Variants in KMT2C observed in about 807,000 individuals in gnomAD.
The protein encoded by KMT2C is lysine methyltransferase 2C, also known as histone-lysine N-methyltransferase 2C.
In KMT2C, 88 loss-of-function variants were observed where a neutral mutation model predicts 507.9. That is an observed-to-expected ratio of 0.17 (90% CI 0.15 to 0.21). The LOEUF (loss-of-function observed/expected upper bound fraction) is 0.21, where lower values mean the gene tolerates loss of function less well. Ranked by LOEUF, KMT2C falls within the 10% of genes least tolerant of loss-of-function variation. KMT2C has a pLI of 1.00. For missense variants in KMT2C, 4,954 were observed against 5,957.8 expected (o/e 0.83, Z 5.55); for synonymous variants, 2,049 against 2,080.8 (o/e 0.98, Z 0.42).
chr7:152,359,453 T>C (rs1180023274), intron 1 of KMT2C, among the ~76,000 whole-genome samples: 1 of 152,132 alleles, frequency 6.6e-6, no homozygotes, highest in Non-Finnish European at 1.5e-5. Flanking sequence ...TGTTTTAAAT[T>C]ATTTCGCAGT....
chr7:152,430,658 A>G (rs2097856298), intron 1 of KMT2C, among the ~76,000 whole-genome samples: 1 of 152,216 alleles, frequency 6.6e-6, no homozygotes, highest in South Asian at 2.1e-4. Flanking sequence ...CAGTCTCCAG[A>G]GTAGTTGGGA....
intron 1 of KMT2C, chr7:152,367,754 T>G: frequency 9.3e-7 from 1 of 1,071,224 alleles, no homozygotes; most frequent in East Asian, 2.4e-5. Context: ...ATTACATTGA[T>G]AGTAAATCTG....
At chr7:152,150,361 G>A (rs1223672904) in intron 51 of KMT2C, among the ~76,000 whole-genome samples, 1 of 152,176 alleles carries the variant, frequency 6.6e-6, no homozygotes, top group Non-Finnish European at 1.5e-5. Flanking sequence ...GCTCACACCT[G>A]TAATCCCAGC....
intron 2 of KMT2C, among the ~76,000 whole-genome samples, chr7:152,333,492 G>C (rs1216779929): frequency 2.6e-5 from 4 of 152,112 alleles, no homozygotes; most frequent in African/African-American, 9.7e-5. Context: ...TTTATGATTT[G>C]TAAGTCAACA....
chr7:152,354,365 C>T (rs1356375527), intron 2 of KMT2C, among the ~76,000 whole-genome samples: 1 of 152,190 alleles, frequency 6.6e-6, no homozygotes, highest in African/African-American at 2.4e-5. Context: ...AATACTGCTT[C>T]ACTTAGTGAA....
intron 1 of KMT2C, among the ~76,000 whole-genome samples, chr7:152,388,819 G>C (rs1191954692): frequency 6.6e-6 from 1 of 152,220 alleles, no homozygotes; most frequent in Non-Finnish European, 1.5e-5. Flanking sequence ...CGTGATCTTG[G>C]GTTACTGCAA....
chr7:152,285,899 C>T (rs1334313170), intron 6 of KMT2C, among the ~76,000 whole-genome samples: 3 of 152,164 alleles, frequency 2.0e-5, no homozygotes, highest in African/African-American at 4.8e-5. Context: ...GCACAAGAAT[C>T]GCTTGAACCT....
chr7:152,264,536 T>G (rs2095831538), intron 8 of KMT2C, among the ~76,000 whole-genome samples: 1 of 152,198 alleles, frequency 6.6e-6, no homozygotes, highest in Non-Finnish European at 1.5e-5. Context: ...AGATGTACAT[T>G]AAAATAATAG....
intron 5 of KMT2C, among the ~76,000 whole-genome samples, chr7:152,310,816 C>T (rs1433551586): frequency 1.3e-5 from 2 of 152,050 alleles, no homozygotes; most frequent in Admixed American, 1.3e-4. Flanking sequence ...TGCCAAATAG[C>T]TGGGACTACA....
intron 1 of KMT2C, among the ~76,000 whole-genome samples, chr7:152,432,956 G>A (rs1463653625): frequency 2.0e-5 from 3 of 152,064 alleles, no homozygotes; most frequent in Admixed American, 2.0e-4. Flanking sequence ...AGACCAGCCT[G>A]GCCAACATGG....
At chr7:152,425,850 G>A (rs2097811500) in intron 1 of KMT2C, among the ~76,000 whole-genome samples, 1 of 151,874 alleles carries the variant, frequency 6.6e-6, no homozygotes, top group Non-Finnish European at 1.5e-5. Flanking sequence ...TTACAATAAG[G>A]TGTAAAGATT....
At chr7:152,193,886 TC>T (rs1588104585) in intron 31 of KMT2C, 122 bp downstream of exon 31, 1 of 761,180 alleles carries the variant, frequency 1.3e-6, no homozygotes, top group East Asian at 3.0e-5. Context: ...AGGGTTTTTC[TC>T]CCTATCAGTT....
At chr7:152,323,799 G>A (rs1368506336) in intron 3 of KMT2C, among the ~76,000 whole-genome samples, 2 of 138,946 alleles carry the variant, frequency 1.4e-5, no homozygotes, top group African/African-American at 5.3e-5. Flanking sequence ...AGGGAAGGGA[G>A]GCAGGGAGGG....
At chr7:152,271,252 T>C (rs1262868789) in intron 7 of KMT2C, among the ~76,000 whole-genome samples, 1 of 152,154 alleles carries the variant, frequency 6.6e-6, no homozygotes, top group African/African-American at 2.4e-5. Context: ...TTATAAAACA[T>C]GTTAAAAAGG....
In KMT2C at chr7:152,210,415, T is replaced by C. The variant is rs575454950; in HGVS notation, c.3713-2987A>G. Among the ~76,000 whole-genome samples the C allele has an allele frequency of 4.6e-5, 7 of 152,328 alleles. No homozygotes were observed. The South Asian group carries it at 1.0e-3, about 23-fold the overall frequency. On this transcript the variant is annotated intron_variant, in intron 23 of 58. Transcript: ENST00000262189. The stretch of plus-strand genomic sequence containing the variant: ...TTAGTTCTTCACTTTTAATCATGCA[T>C]GTACCATAAAGATTATCCGACTATG...
chr7:152,183,148 G>T lies in KMT2C; in HGVS notation c.5091C>A (p.Ala1697=), dbSNP rs2129121629. 6.5e-7 allele frequency: 1 copy of T among 1,544,712 alleles called. No homozygotes were observed. Residue 1697 remains alanine, a synonymous_variant, in exon 35 of 59, where the codon GCC becomes GCA. Coordinates refer to ENST00000262189, the MANE Select transcript of KMT2C (RefSeq NM_170606.3). The part of the protein sequence containing the change: ...SQERAPYVQK[A]RDNRAALRIN... ...TGCGTAAAGCAGCTCTGTTATCTCT[G>T]GCTTTTTGCTTTGACAAAAGAAGAG...
intron 2 of KMT2C, among the ~76,000 whole-genome samples, chr7:152,336,540 T>C (rs1037888308): frequency 6.6e-6 from 1 of 152,188 alleles, no homozygotes; most frequent in African/African-American, 2.4e-5. Flanking sequence ...CAGTACTTAA[T>C]TATCTCCAGT....
At chr7:152,167,413 T>C in intron 41 of KMT2C, 35 bp from the exon 42 acceptor site, 2 of 1,390,210 alleles carry the variant, frequency 1.4e-6, no homozygotes, top group Non-Finnish European at 2.0e-6. Flanking sequence ...GTGTTAATTT[T>C]CTAAAGAGTC....
chr7:152,168,940 G>C (rs1032281738), intron 41 of KMT2C, among the ~76,000 whole-genome samples: 4 of 152,152 alleles, frequency 2.6e-5, no homozygotes, highest in African/African-American at 9.7e-5. Flanking sequence ...TGAAGAGAAT[G>C]GGGAAGATGG....
Sources: allele counts gnomAD v4.1 joint callset (sites outside exome capture counted in the v4.1 genomes callset), GRCh38; gene constraint gnomAD v4.1.1; transcripts MANE v1.5; gene names NCBI Gene and HGNC (gene_info 2026-07-23, HGNC 2026-07-21).